LRP1B: variants seen among roughly 807,000 people sequenced by gnomAD.
The protein encoded by LRP1B is low-density lipoprotein receptor-related protein 1B.
Under a neutral mutation model 556.6 loss-of-function variants are expected in LRP1B, and 217 were observed. That is an observed-to-expected ratio of 0.39 (90% confidence interval 0.35 to 0.44). The LOEUF is 0.44. LRP1B is among the 20% of genes least tolerant of loss of function. LRP1B has a pLI of 1.00. For missense variants in LRP1B, 5,053 were observed against 5,620.8 expected, an observed-to-expected ratio of 0.90 and a Z score of 3.23; for synonymous variants, 2,047 against 1,865.8, an observed-to-expected ratio of 1.10 and a Z score of -2.50.
At chr2:140,731,645 G>A (rs999150789) in intron 35 of LRP1B, among the ~76,000 whole-genome samples, 2 of 151,660 alleles carry the variant, frequency 1.3e-5, no homozygotes, top group East Asian at 2.0e-4. Flanking sequence ...GCCCGTGCCT[G>A]TAGTCCCAGC....
At chr2:141,494,405 G>C (rs1450672418) in intron 2 of LRP1B, among the ~76,000 whole-genome samples, 1 of 152,060 alleles carries the variant, frequency 6.6e-6, no homozygotes, top group African/African-American at 2.4e-5. Flanking sequence ...AACTGGGCTT[G>C]AGTTGAAGTT....
intron 1 of LRP1B, among the ~76,000 whole-genome samples, chr2:141,980,653 G>T (rs915529482): frequency 3.3e-5 from 5 of 152,128 alleles, no homozygotes; most frequent in Non-Finnish European, 7.4e-5. Flanking sequence ...CAATAGGACA[G>T]CACTATCAGA....
chr2:140,611,328 G>A (rs1683064662), intron 41 of LRP1B, among the ~76,000 whole-genome samples: 1 of 152,148 alleles, frequency 6.6e-6, no homozygotes, highest in Non-Finnish European at 1.5e-5. Context: ...GGATGGCAAT[G>A]TGAATATTTT....
intron 7 of LRP1B, among the ~76,000 whole-genome samples, chr2:141,072,457 A>C (rs1031651161): frequency 6.6e-6 from 1 of 152,006 alleles, no homozygotes; most frequent in Non-Finnish European, 1.5e-5. Flanking sequence ...TGTGCCTATG[A>C]CCTTTTATTT....
At chr2:140,759,965 A>G (rs1688859807) in intron 35 of LRP1B, among the ~76,000 whole-genome samples, 1 of 152,184 alleles carries the variant, frequency 6.6e-6, no homozygotes. Context: ...TCCTTAAGTA[A>G]GATTTGGCTT....
At chr2:141,257,402 C>G (rs1684514481) in intron 3 of LRP1B, among the ~76,000 whole-genome samples, 1 of 152,172 alleles carries the variant, frequency 6.6e-6, no homozygotes. Flanking sequence ...CCCAGCTGCA[C>G]CTTTTCACTG....
chr2:141,885,885 G>A lies in LRP1B; in HGVS notation c.83-75484C>T, dbSNP rs146771723. On this transcript the variant is annotated intron_variant, in intron 1 of 90. Transcript: ENST00000389484. ...ACATGTTCCATGGTGTCATAGTAAA[G>A]AAGAGTAACGGTTGCAAGAAACTGC... 3.3e-3 allele frequency among the ~76,000 whole-genome samples: 497 copies of A among 152,314 alleles called. 2 individuals are homozygous for A. Among genetic ancestry groups the A allele is most frequent in the African/African-American group, 0.012 (483 of 41,570 alleles).
At chr2:140,480,407 A>G (rs1412421513) in intron 59 of LRP1B, among the ~76,000 whole-genome samples, 1 of 152,190 alleles carries the variant, frequency 6.6e-6, no homozygotes, top group Non-Finnish European at 1.5e-5. Context: ...TCATTAACAT[A>G]TATTTCAAAT....
chr2:141,414,565 C>G (rs1691015285), intron 3 of LRP1B, among the ~76,000 whole-genome samples: 1 of 152,192 alleles, frequency 6.6e-6, no homozygotes, highest in Non-Finnish European at 1.5e-5. Flanking sequence ...CAGCCCTTGC[C>G]CATAGTGCAG....
intron 3 of LRP1B, among the ~76,000 whole-genome samples, chr2:141,331,217 G>A (rs1687632187): frequency 6.6e-6 from 1 of 152,162 alleles, no homozygotes; most frequent in Non-Finnish European, 1.5e-5. Flanking sequence ...TAGTCAAGTA[G>A]TTTCTAAGCA....
intron 1 of LRP1B, among the ~76,000 whole-genome samples, chr2:141,928,179 T>C (rs578182172): frequency 6.6e-6 from 1 of 152,300 alleles, no homozygotes; most frequent in Admixed American, 6.5e-5. Flanking sequence ...CAAGTCTTGA[T>C]GACCTTGTCC....
At chr2:141,052,183 T>C (rs1015185232) in intron 10 of LRP1B, among the ~76,000 whole-genome samples, 17 of 152,036 alleles carry the variant, frequency 1.1e-4, no homozygotes, top group African/African-American at 2.2e-4. Flanking sequence ...CATCCTTGTC[T>C]TCATTGCCCT....
intron 7 of LRP1B, among the ~76,000 whole-genome samples, chr2:141,178,649 G>A (rs1046272994): frequency 6.6e-6 from 1 of 152,092 alleles, no homozygotes; most frequent in African/African-American, 2.4e-5. Flanking sequence ...CCTTGGAAAT[G>A]CATGCTTCCA....
chr2:140,428,146 C>G (rs1321950532), intron 66 of LRP1B, among the ~76,000 whole-genome samples: 1 of 152,026 alleles, frequency 6.6e-6, no homozygotes, highest in East Asian at 1.9e-4. Flanking sequence ...TCTCAATATA[C>G]ATTTTATTAC....
chr2:141,770,719 C>T (rs898093139), intron 2 of LRP1B, among the ~76,000 whole-genome samples: 82 of 152,306 alleles, frequency 5.4e-4, no homozygotes, highest in African/African-American at 1.8e-3. Context: ...TGCAGTGAGG[C>T]GCCACCTCCC....
rs368255793 is a variant in LRP1B at position 140,285,026 on chromosome 2, G to GTATA, written c.12968-10432_12968-10429dup. 9.5e-3 allele frequency among the ~76,000 whole-genome samples: 1,375 copies of GTATA among 144,622 alleles called. 92 individuals are homozygous for GTATA. The East Asian group carries it at 0.19, about 20-fold the overall frequency. 94.9% of individuals were successfully genotyped at this position (144,622 alleles called of 152,430 possible). ...TAGATATCTCTCTGTGTGTGTGTGT[G>GTATA]TATATATATATATATATGGATATCT... On this transcript the variant is annotated intron_variant, in intron 84 of 90. Transcript: ENST00000389484.
chr2:141,577,653 T>C (rs957245550), intron 2 of LRP1B, among the ~76,000 whole-genome samples: 2 of 152,182 alleles, frequency 1.3e-5, no homozygotes, highest in Admixed American at 1.3e-4. Flanking sequence ...CTATGATTCT[T>C]TTCCTGTGAA....
intron 41 of LRP1B, among the ~76,000 whole-genome samples, chr2:140,666,054 C>T (rs1420128927): frequency 1.3e-5 from 2 of 150,872 alleles, no homozygotes; most frequent in Non-Finnish European, 2.9e-5. Flanking sequence ...AGTGCAGTGG[C>T]ATGATCTCAG....
intron 23 of LRP1B, among the ~76,000 whole-genome samples, chr2:140,900,647 G>T (rs1573859175): frequency 6.6e-6 from 1 of 152,208 alleles, no homozygotes; most frequent in East Asian, 1.9e-4. Flanking sequence ...CCAGAAGTGG[G>T]CTGGATATTA....
Sources: gnomAD v4.1 joint callset for allele counts (sites outside exome capture counted in the v4.1 genomes callset) on GRCh38, gnomAD v4.1.1 for gene constraint, MANE v1.5 for transcripts, NCBI Gene and HGNC (gene_info 2026-07-23, HGNC 2026-07-21) for gene names.